The following ESR1 variants were observed in gnomAD, a reference collection of about 807,000 sequenced individuals.
ESR1 encodes estrogen receptor.
Under a neutral mutation model 52.7 loss-of-function variants are expected in ESR1, and 12 were observed. That is an observed-to-expected ratio of 0.23 (90% CI 0.15 to 0.37). The LOEUF is 0.37. ESR1 is among the 10% of genes least tolerant of loss of function. The pLI is 1.00. For missense variants in ESR1, 584 were observed against 779.7 expected, an observed-to-expected ratio of 0.75 and a Z score of 2.99; for synonymous variants, 305 against 316.8, an observed-to-expected ratio of 0.96 and a Z score of 0.39.
At chr6:151,796,421 ATTGGTGGG>A (rs1422111179) in intron 2 of ESR1, among the ~76,000 whole-genome samples, 1 of 152,134 alleles carries the variant, frequency 6.6e-6, no homozygotes, top group Admixed American at 6.5e-5. Context: ...GAGAGGGAAA[ATTGGTGGG>A]TTGCAGGCAG....
intron 3 of ESR1, among the ~76,000 whole-genome samples, chr6:151,884,315 C>G (rs561903771): frequency 6.6e-6 from 1 of 152,176 alleles, no homozygotes; most frequent in African/African-American, 2.4e-5. Context: ...TGAATAAAGC[C>G]TTAATTTACA....
At chr6:151,972,229 G>C (rs1246445762) in intron 4 of ESR1, among the ~76,000 whole-genome samples, 2 of 152,126 alleles carry the variant, frequency 1.3e-5, no homozygotes, top group Non-Finnish European at 2.9e-5. Context: ...GACATTCAAA[G>C]AAAAATTGAT....
intron 5 of ESR1, among the ~76,000 whole-genome samples, chr6:152,035,603 G>A (rs1356397447): frequency 6.6e-6 from 1 of 152,086 alleles, no homozygotes; most frequent in Non-Finnish European, 1.5e-5. Flanking sequence ...ATAATCAAAT[G>A]CTCTTGGAAG....
At chr6:151,684,209 G>T (rs533704148) in intron 1 of ESR1, among the ~76,000 whole-genome samples, 1 of 152,046 alleles carries the variant, frequency 6.6e-6, no homozygotes, top group Non-Finnish European at 1.5e-5. Context: ...CCATGGAGAA[G>T]GTGTGCTTTG....
At chr6:151,845,826 C>A (rs1053990527) in intron 2 of ESR1, among the ~76,000 whole-genome samples, 1 of 152,140 alleles carries the variant, frequency 6.6e-6, no homozygotes, top group African/African-American at 2.4e-5. Context: ...TAGGGAGGAA[C>A]CTTAAAATTA....
At chr6:151,673,635 C>T (rs904809156) in intron 1 of ESR1, among the ~76,000 whole-genome samples, 1 of 152,108 alleles carries the variant, frequency 6.6e-6, no homozygotes, top group Non-Finnish European at 1.5e-5. Flanking sequence ...GTAATCCCAG[C>T]ACTTTGGGAG....
intron 3 of ESR1, 139 bp from the exon 4 acceptor site, chr6:151,944,033 TG>T: frequency 1.5e-6 from 1 of 685,900 alleles, no homozygotes; most frequent in Non-Finnish European, 2.5e-6. Flanking sequence ...GAGAGCCACT[TG>T]TTGAACACTT....
At chr6:151,909,927 T>TG (rs1798007734) in intron 3 of ESR1, among the ~76,000 whole-genome samples, 1 of 151,864 alleles carries the variant, frequency 6.6e-6, no homozygotes, top group South Asian at 2.1e-4. Context: ...GAACTGTAGG[T>TG]GGGGGGCCCC....
chr6:151,781,875 T>C (rs1786576763), intron 2 of ESR1, among the ~76,000 whole-genome samples: 1 of 152,232 alleles, frequency 6.6e-6, no homozygotes, highest in Admixed American at 6.5e-5. Context: ...CACAGAGCTA[T>C]TTAGAGTGTC....
At chr6:152,052,537 A>G (rs987108590) in intron 5 of ESR1, among the ~76,000 whole-genome samples, 5 of 152,224 alleles carry the variant, frequency 3.3e-5, no homozygotes, top group African/African-American at 9.6e-5. Flanking sequence ...TTAAAACATC[A>G]GAGTTGAGTA....
At chr6:151,958,584 G>GA (rs767013263) in intron 4 of ESR1, among the ~76,000 whole-genome samples, 10 of 152,192 alleles carry the variant, frequency 6.6e-5, no homozygotes, top group Admixed American at 5.2e-4. Context: ...TTGTGGCTTT[G>GA]TGAAAAATTC....
At chr6:151,953,277 C>T (rs141893341) in intron 4 of ESR1, among the ~76,000 whole-genome samples, 3 of 152,132 alleles carry the variant, frequency 2.0e-5, no homozygotes, top group Non-Finnish European at 4.4e-5. Context: ...CATAGCCAAG[C>T]CAAAGTTCGA....
intron 4 of ESR1, among the ~76,000 whole-genome samples, chr6:151,956,703 A>AT (rs1449375117): frequency 6.6e-6 from 1 of 151,482 alleles, no homozygotes; most frequent in Non-Finnish European, 1.5e-5. Context: ...GAGTTGTATC[A>AT]TTTTATCATT....
chr6:151,872,652 A>G (rs1791170740), intron 2 of ESR1, among the ~76,000 whole-genome samples: 1 of 152,148 alleles, frequency 6.6e-6, no homozygotes, highest in African/African-American at 2.4e-5. Flanking sequence ...AGTTCCAATG[A>G]TATCATTGTT....
rs570030258 is a variant in ESR1, at chr6:152,079,226, C to A, written c.1370-15159C>A. Among the ~76,000 whole-genome samples the A allele has an allele frequency of 8.5e-5, 13 of 152,340 alleles. No homozygotes were observed. In the South Asian group the frequency reaches 2.7e-3, roughly 32 times the overall value. On this transcript the variant is annotated intron_variant, in intron 6 of 7. Transcript: ENST00000206249. Reference sequence around the variant, plus strand: ...TGTAGCCTGACTGGGAGACACCTCCCAGTAGGGGCCGACAGACACTTCAAA... The same window carrying A: ...TGTAGCCTGACTGGGAGACACCTCCAAGTAGGGGCCGACAGACACTTCAAA...
chr6:151,677,833 T>G (rs1221511944), intron 1 of ESR1, among the ~76,000 whole-genome samples: 2 of 152,210 alleles, frequency 1.3e-5, no homozygotes, highest in East Asian at 3.8e-4. Context: ...TGGTATAAAT[T>G]TGGAAGATTG....
intron 2 of ESR1, among the ~76,000 whole-genome samples, chr6:151,850,599 G>A (rs1018166213): frequency 2.6e-5 from 4 of 151,960 alleles, no homozygotes; most frequent in African/African-American, 9.7e-5. Context: ...CCCAAATCTT[G>A]CTCCTAGCTC....
chr6:151,874,056 T>G (rs1583858233), intron 2 of ESR1, among the ~76,000 whole-genome samples: 1 of 152,218 alleles, frequency 6.6e-6, no homozygotes, highest in African/African-American at 2.4e-5. Context: ...AAATTGGCTC[T>G]TATTTGATGT....
exon 7 of ESR1, chr6:152,125,302 A>C: frequency 6.4e-7 from 1 of 1,550,464 alleles, no homozygotes; most frequent in Non-Finnish European, 8.7e-7. Context: ...AGAATCCTGA[A>C]CTTGCATCCT....
Sources: allele counts gnomAD v4.1 joint callset (sites outside exome capture counted in the v4.1 genomes callset), GRCh38; gene constraint gnomAD v4.1.1; transcripts MANE v1.5; gene names NCBI Gene and HGNC (gene_info 2026-07-23, HGNC 2026-07-21).